Variants in ANK3 observed in about 807,000 individuals in gnomAD.
The protein encoded by ANK3 is ankyrin 3.
ANK3 carries 57 observed loss-of-function variants against 370.9 expected under a neutral mutation model. That is an observed-to-expected ratio of 0.15 (90% CI 0.12 to 0.19). The LOEUF is 0.19. ANK3 is among the 10% of genes least tolerant of loss of function. ANK3 has a pLI of 1.00. For missense variants in ANK3, 4,439 were observed against 5,302.1 expected (o/e 0.84, Z 5.06); for synonymous variants, 1,929 against 1,946.3 (o/e 0.99, Z 0.23).
chr10:60,098,942 T>C (rs1469600361), intron 28 of ANK3, among the ~76,000 whole-genome samples: 1 of 152,228 alleles, frequency 6.6e-6, no homozygotes, highest in Non-Finnish European at 1.5e-5. Context: ...GTTTTAGCAG[T>C]CTATTAATAT....
chr10:60,213,259 C>G (rs2096884159), intron 9 of ANK3, among the ~76,000 whole-genome samples, 153 bp downstream of exon 9: 1 of 152,084 alleles, frequency 6.6e-6, no homozygotes, highest in Non-Finnish European at 1.5e-5. Flanking sequence ...TTAATTAGCC[C>G]AAACTTATTC....
intron 8 of ANK3, among the ~76,000 whole-genome samples, chr10:60,233,361 A>G (rs2097277333): frequency 6.6e-6 from 1 of 152,204 alleles, no homozygotes; most frequent in Middle Eastern, 3.2e-3. Flanking sequence ...CCTACCCACA[A>G]TGCATCACTC....
At chr10:60,204,192 A>G (rs781165585) in intron 11 of ANK3, among the ~76,000 whole-genome samples, 7 of 152,234 alleles carry the variant, frequency 4.6e-5, no homozygotes, top group Non-Finnish European at 1.0e-4. Context: ...TAGGAAAATG[A>G]GAATTTTGTT....
At position 60,569,103 on chromosome 10, in the gene ANK3, TTAAG is replaced by T. The variant is rs149271607; in HGVS notation, c.96+46079_96+46082del. On this transcript the variant is annotated intron_variant, in intron 2 of 43. Coordinates refer to the ANK3 transcript ENST00000373827. ...TACAGATGCTAAAGAAAAAAAATCT[TTAAG>T]TGTCACTTCCTACATTTTATTCTTG... Among the ~76,000 whole-genome samples the T allele has an allele frequency of 5.9e-3, 897 of 152,282 alleles. 8 individuals carry two copies. The highest frequency in any genetic ancestry group is 0.021 in the African/African-American group (861 of 41,556).
intron 1 of ANK3, among the ~76,000 whole-genome samples, chr10:60,674,438 G>T (rs116165734): frequency 1.3e-5 from 2 of 152,030 alleles, no homozygotes; most frequent in Non-Finnish European, 2.9e-5. Context: ...AGGGAGCAGG[G>T]AGGAGGGAGA....
intron 1 of ANK3, among the ~76,000 whole-genome samples, chr10:60,697,690 T>C (rs1589044322): frequency 6.6e-6 from 1 of 151,424 alleles, no homozygotes; most frequent in Non-Finnish European, 1.5e-5. Context: ...CTGGGAAAAC[T>C]GGCTAGCCAT....
intron 2 of ANK3, among the ~76,000 whole-genome samples, chr10:60,395,772 C>A (rs1268036082): frequency 6.6e-6 from 1 of 151,994 alleles, no homozygotes. Flanking sequence ...TGTTCAGCAC[C>A]AGGGACATAT....
Position 60,564,085 on chromosome 10 carries a change from G to A in ANK3, c.96+51101C>T, listed in dbSNP as rs886523686. On this transcript the variant is annotated intron_variant, in intron 2 of 43. Transcript: ENST00000373827. ...AATCATTTCAAATTAAGTACTGGAG[G>A]AGTCAAAATTTCAGTTTCATGGATG... 2.7e-4 allele frequency among the ~76,000 whole-genome samples: 41 copies of A among 152,086 alleles called. 1 individual carries two copies. The highest frequency in any genetic ancestry group is 1.0e-4 in the Non-Finnish European group (7 of 68,018).
At chr10:60,628,408 T>C (rs2078438549) in intron 1 of ANK3, among the ~76,000 whole-genome samples, 1 of 152,198 alleles carries the variant, frequency 6.6e-6, no homozygotes, top group South Asian at 2.1e-4. Context: ...TGATAAAGCA[T>C]TGTTTACTTT....
chr10:60,482,750 G>A (rs1318925294), intron 2 of ANK3, among the ~76,000 whole-genome samples: 3 of 152,134 alleles, frequency 2.0e-5, no homozygotes, highest in Non-Finnish European at 4.4e-5. Flanking sequence ...GCCTCCCAAA[G>A]TGCTGGGATT....
chr10:60,451,700 G>C (rs1450387569), intron 2 of ANK3, among the ~76,000 whole-genome samples: 1 of 152,210 alleles, frequency 6.6e-6, no homozygotes, highest in African/African-American at 2.4e-5. Flanking sequence ...CCAAGGACTA[G>C]CTGGCATTAT....
At chr10:60,451,407 G>A (rs971201235) in intron 2 of ANK3, among the ~76,000 whole-genome samples, 1 of 152,128 alleles carries the variant, frequency 6.6e-6, no homozygotes, top group African/African-American at 2.4e-5. Context: ...AAAACCATTG[G>A]CCTAGAATTT....
chr10:60,063,095 C>T lies in ANK3; in HGVS notation c.12595+16G>A. 1 of 1,603,776 alleles carries T rather than the reference C, an allele frequency of 6.2e-7. No homozygotes were observed. Among genetic ancestry groups the T allele is most frequent in the Non-Finnish European group, 8.5e-7 (1 of 1,176,710 alleles). ...TATCAAATGATTAAATAAATATGAA[C>T]ACTAAATTCGATTACCATCAACAGG... On this transcript the variant is annotated intron_variant, in intron 40 of 43. Coordinates refer to ENST00000280772, the MANE Select transcript of ANK3 (RefSeq NM_020987.5).
chr10:60,299,435 G>A (rs2043223384), intron 1 of ANK3, among the ~76,000 whole-genome samples: 1 of 152,106 alleles, frequency 6.6e-6, no homozygotes, highest in Non-Finnish European at 1.5e-5. Flanking sequence ...TCATTTTTAT[G>A]ATGTCTCGTT....
chr10:60,596,038 C>T (rs2077983943), intron 2 of ANK3, among the ~76,000 whole-genome samples: 1 of 152,106 alleles, frequency 6.6e-6, no homozygotes, highest in African/African-American at 2.4e-5. Context: ...TTTAATATTC[C>T]TAACAGCACG....
chr10:60,285,866 G>A (rs537452317), intron 1 of ANK3, among the ~76,000 whole-genome samples: 2 of 152,140 alleles, frequency 1.3e-5, no homozygotes, highest in Middle Eastern at 3.4e-3. Flanking sequence ...TTAAATATCC[G>A]AAGATTATCC....
chr10:60,172,235 A>G (rs976204919), intron 21 of ANK3, 73 bp downstream of exon 21: 5 of 1,168,518 alleles, frequency 4.3e-6, no homozygotes, highest in Non-Finnish European at 6.3e-6. Context: ...AAAAATATTC[A>G]TCTCAGAAAA....
chr10:60,722,709 A>G (rs2079881175), intron 1 of ANK3, among the ~76,000 whole-genome samples: 4 of 152,172 alleles, frequency 2.6e-5, no homozygotes, highest in African/African-American at 7.2e-5. Context: ...CAGATCCCTC[A>G]TGAAGGCCTA....
At chr10:60,366,372 C>A (rs1414965541) in intron 1 of ANK3, among the ~76,000 whole-genome samples, 1 of 152,094 alleles carries the variant, frequency 6.6e-6, no homozygotes, top group African/African-American at 2.4e-5. Context: ...CTTACAAATT[C>A]TTTGTTAAAG....
Sources: allele counts gnomAD v4.1 joint callset (sites outside exome capture counted in the v4.1 genomes callset), GRCh38; gene constraint gnomAD v4.1.1; transcripts MANE v1.5; gene names NCBI Gene and HGNC (gene_info 2026-07-23, HGNC 2026-07-21).